The following ATRNL1 variants were observed in gnomAD, a reference collection of about 807,000 sequenced individuals.
ATRNL1 encodes attractin like 1, also known as attractin-like protein 1.
In ATRNL1, 95 loss-of-function variants were observed where a neutral mutation model predicts 182.7. The observed-to-expected ratio is 0.52, with a 90% CI of 0.44 to 0.62. ATRNL1 has a LOEUF of 0.62. Ranked by LOEUF, ATRNL1 falls within the 20% of genes least tolerant of loss-of-function variation. The pLI is 0.00. For missense variants in ATRNL1, 1,471 were observed against 1,679.5 expected (o/e 0.88, Z 2.17); for synonymous variants, 576 against 568.3 (o/e 1.01, Z -0.19).
chr10:115,681,818 C>G (rs1946055509), intron 26 of ATRNL1, among the ~76,000 whole-genome samples: 1 of 152,176 alleles, frequency 6.6e-6, no homozygotes, highest in African/African-American at 2.4e-5. Context: ...CCACCCACCA[C>G]TTCTTTTTGA....
Position 115,401,826 on chromosome 10 carries a change from G to A in ATRNL1, c.3269+7074G>A, listed in dbSNP as rs115560728. Among the ~76,000 whole-genome samples the A allele has an allele frequency of 4.4e-3, 674 of 152,114 alleles. 4 individuals are homozygous for A. Among genetic ancestry groups the A allele is most frequent in the African/African-American group, 0.016 (650 of 41,532 alleles). On this transcript the variant is annotated intron_variant, in intron 20 of 28. Transcript: ENST00000355044. ...AAAAACAATTGCAATCTCCCCCACAGTAATTTTACCATGTAGTTTCTACCG... is the reference window on the plus strand; with the variant it reads ...AAAAACAATTGCAATCTCCCCCACAATAATTTTACCATGTAGTTTCTACCG...
At chr10:115,200,434 G>A (rs1848523550) in intron 8 of ATRNL1, among the ~76,000 whole-genome samples, 2 of 139,624 alleles carry the variant, frequency 1.4e-5, no homozygotes, top group African/African-American at 5.4e-5. Context: ...GTGTCCATGT[G>A]TTCTCATTGT....
At chr10:115,726,027 T>A (rs79551587) in intron 26 of ATRNL1, among the ~76,000 whole-genome samples, 4,135 of 152,262 alleles carry the variant, frequency 0.027, 205 homozygotes, top group Admixed American at 0.13. Context: ...TCCCATATTG[T>A]CATGTGAATG....
At chr10:115,729,378 C>A (rs1555061834) in intron 27 of ATRNL1, among the ~76,000 whole-genome samples, 1 of 151,890 alleles carries the variant, frequency 6.6e-6, no homozygotes, top group Non-Finnish European at 1.5e-5. Context: ...TGTTTTACAA[C>A]TATACTTTCT....
chr10:115,797,194 A>G (rs1555083147), intron 27 of ATRNL1, among the ~76,000 whole-genome samples: 1 of 152,158 alleles, frequency 6.6e-6, no homozygotes, highest in Non-Finnish European at 1.5e-5. Flanking sequence ...AAATGTAGTT[A>G]TTAGACAACT....
chr10:115,666,422 A>C (rs1555039697), intron 26 of ATRNL1, among the ~76,000 whole-genome samples: 1 of 152,134 alleles, frequency 6.6e-6, no homozygotes, highest in Non-Finnish European at 1.5e-5. Flanking sequence ...GTTTATTGAG[A>C]GTTGGCTCGG....
chr10:115,231,274 G>A (rs1168917951), intron 9 of ATRNL1, among the ~76,000 whole-genome samples: 7 of 152,108 alleles, frequency 4.6e-5, no homozygotes, highest in African/African-American at 1.7e-4. Flanking sequence ...AAAGGAAAGA[G>A]AATTTGTCAG....
chr10:115,766,921 A>G (rs1219482201), intron 27 of ATRNL1, among the ~76,000 whole-genome samples: 1 of 152,190 alleles, frequency 6.6e-6, no homozygotes, highest in Non-Finnish European at 1.5e-5. Context: ...GGGAAGTCAC[A>G]TAAACTCTGA....
rs1215745542 is a variant in ATRNL1, at chr10:115,177,609, C to T, written c.1348+6317C>T. Among the ~76,000 whole-genome samples the T allele has an allele frequency of 4.6e-5, 7 of 152,074 alleles. 1 individual carries two copies. Among genetic ancestry groups the T allele is most frequent in the Admixed American group, 4.6e-4 (7 of 15,262 alleles). On this transcript the variant is annotated intron_variant, in intron 8 of 28. Coordinates refer to ENST00000355044, the MANE Select transcript of ATRNL1 (RefSeq NM_207303.4). Reference sequence around the variant, plus strand: ...CTGTCAGTTGTCAGTTGATGTGTCCCATGGACTATGTCTCCAAAACCTACC... The same window carrying T: ...CTGTCAGTTGTCAGTTGATGTGTCCTATGGACTATGTCTCCAAAACCTACC...
At chr10:115,888,699 A>G (rs1453741552) in intron 28 of ATRNL1, among the ~76,000 whole-genome samples, 1 of 152,204 alleles carries the variant, frequency 6.6e-6, no homozygotes, top group East Asian at 1.9e-4. Flanking sequence ...CAAAAGATAA[A>G]CAGAAGTTGA....
Position 115,946,402 on chromosome 10 carries a change from C to T in ATRNL1, c.*1623C>T, listed in dbSNP as rs554201397. Reference sequence around the variant, plus strand: ...GAATGTCATATATAAGAGGAATGATCATACAATATGTAGTTGCATCTTATA... The same window carrying T: ...GAATGTCATATATAAGAGGAATGATTATACAATATGTAGTTGCATCTTATA... On this transcript the variant is annotated 3_prime_UTR_variant, in exon 29 of 29. Coordinates refer to ENST00000355044, the MANE Select transcript of ATRNL1 (RefSeq NM_207303.4). 3 of 152,260 alleles carry T rather than the reference C, an allele frequency of 2.0e-5. No individual in the cohort carries two copies. The East Asian group carries it at 5.8e-4, about 29-fold the overall frequency. 9.4% of individuals were successfully genotyped at this position (152,260 alleles called of 1,614,324 possible). A position where few individuals can be genotyped will look rare whatever the true frequency, so the allele number is the denominator to read the frequency against.
At position 115,127,722 on chromosome 10, in the gene ATRNL1, G is replaced by T; in HGVS notation, c.620+1G>T. ...TAACTGGTTTCAACATTTTCTATTC[G>T]TAAGTATTTTTTAAAAATTCCTTCT... On this transcript the variant is annotated splice_donor_variant, in intron 4 of 28. Transcript: ENST00000355044. LOFTEE classifies it high-confidence loss of function. 1 of 1,415,374 alleles carries T rather than the reference G, an allele frequency of 7.1e-7. No homozygotes were observed. Among genetic ancestry groups the T allele is most frequent in the Non-Finnish European group, 9.3e-7 (1 of 1,076,552 alleles). The allele number at this position is 1,415,374 out of a possible 1,614,324, so 87.7% of individuals were successfully genotyped here. A position where few individuals can be genotyped will look rare whatever the true frequency, so the allele number is the denominator to read the frequency against.
At chr10:115,282,994 T>C (rs1395034568) in intron 14 of ATRNL1, among the ~76,000 whole-genome samples, 1 of 152,038 alleles carries the variant, frequency 6.6e-6, no homozygotes, top group African/African-American at 2.4e-5. Context: ...CACTTTTTTT[T>C]TAAAGAAAAG....
chr10:115,632,276 G>T (rs1858562923), intron 26 of ATRNL1, among the ~76,000 whole-genome samples: 1 of 152,070 alleles, frequency 6.6e-6, no homozygotes, highest in African/African-American at 2.4e-5. Context: ...TATGAGGTTG[G>T]CACTGAAAAG....
At chr10:115,457,007 T>C (rs554964873) in intron 21 of ATRNL1, among the ~76,000 whole-genome samples, 1 of 152,230 alleles carries the variant, frequency 6.6e-6, no homozygotes, top group South Asian at 2.1e-4. Context: ...TACAGCTCTT[T>C]TGTTCCTACC....
chr10:115,387,229 C>T (rs1250488227), intron 19 of ATRNL1, among the ~76,000 whole-genome samples: 2 of 152,052 alleles, frequency 1.3e-5, no homozygotes, highest in Non-Finnish European at 2.9e-5. Context: ...GCTAGGTAAA[C>T]TACTATGCCG....
At chr10:115,586,939 A>C (rs1452763777) in intron 26 of ATRNL1, among the ~76,000 whole-genome samples, 1 of 125,040 alleles carries the variant, frequency 8.0e-6, no homozygotes, top group Middle Eastern at 3.5e-3. Flanking sequence ...TTTGGTGTGG[A>C]TGTCCTTTCT....
At chr10:115,446,053 T>C (rs1846969242) in intron 21 of ATRNL1, among the ~76,000 whole-genome samples, 1 of 152,158 alleles carries the variant, frequency 6.6e-6, no homozygotes, top group Non-Finnish European at 1.5e-5. Context: ...TGGTGTAATA[T>C]AATATGCTTT....
rs148732874 is a variant in ATRNL1 at position 115,357,616 on chromosome 10, A to G, written c.3175+23197A>G. 2.2e-3 allele frequency among the ~76,000 whole-genome samples: 333 copies of G among 151,822 alleles called. 1 individual carries two copies. The highest frequency in any genetic ancestry group is 0.02 in the Middle Eastern group (6 of 294). Reference sequence around the variant, plus strand: ...TTATATGCCATAGGACATGGATCCAAATATTTACTTTTCTCTTAGTTACAC... The same window carrying G: ...TTATATGCCATAGGACATGGATCCAGATATTTACTTTTCTCTTAGTTACAC... On this transcript the variant is annotated intron_variant, in intron 19 of 28. Transcript: ENST00000355044.
Sources: allele counts gnomAD v4.1 joint callset (sites outside exome capture counted in the v4.1 genomes callset), GRCh38; gene constraint gnomAD v4.1.1; transcripts MANE v1.5; gene names NCBI Gene and HGNC (gene_info 2026-07-23, HGNC 2026-07-21).